Variants in KATNIP observed in about 807,000 individuals in gnomAD.
The protein encoded by KATNIP is katanin interacting protein.
KATNIP carries 126 observed loss-of-function variants against 174.0 expected under a neutral mutation model. The observed-to-expected ratio is 0.72, with a 90% CI of 0.63 to 0.84. The LOEUF (loss-of-function observed/expected upper bound fraction) is 0.84, where lower values mean the gene tolerates loss of function less well. Ranked by LOEUF, KATNIP falls within the 40% of genes least tolerant of loss-of-function variation. KATNIP has a pLI of 0.00. For missense variants in KATNIP, 1,958 were observed against 2,109.7 expected (o/e 0.93, Z 1.41); for synonymous variants, 810 against 835.7 (o/e 0.97, Z 0.53).
At chr16:27,573,150 A>G (rs979673542) in intron 1 of KATNIP, among the ~76,000 whole-genome samples, 5 of 152,226 alleles carry the variant, frequency 3.3e-5, no homozygotes, top group African/African-American at 1.2e-4. Flanking sequence ...ATTTTCACAA[A>G]TAGCCACTGG....
At chr16:27,685,911 T>G (rs1342337755) in intron 8 of KATNIP, among the ~76,000 whole-genome samples, 1 of 152,064 alleles carries the variant, frequency 6.6e-6, no homozygotes, top group African/African-American at 2.4e-5. Context: ...TCCCTCAAAT[T>G]GATGATTAAG....
Position 27,568,387 on chromosome 16 carries a change from A to G in KATNIP, c.8-5514A>G, listed in dbSNP as rs561932751. Among the ~76,000 whole-genome samples the G allele has an allele frequency of 2.1e-4, 32 of 152,324 alleles. No individual in the cohort carries two copies. In the Middle Eastern group the frequency reaches 0.01, roughly 49 times the overall value. On this transcript the variant is annotated intron_variant, in intron 1 of 27. Transcript: ENST00000261588. The stretch of plus-strand genomic sequence containing the variant: ...TTCACGGCTGATTCCTAGTAGTGAT[A>G]TTGCTAGCTCAAAGGAAAAATGCAT...
At chr16:27,587,662 A>G (rs2090950952) in intron 2 of KATNIP, among the ~76,000 whole-genome samples, 1 of 152,180 alleles carries the variant, frequency 6.6e-6, no homozygotes, top group South Asian at 2.1e-4. Flanking sequence ...ACAGTTGGGC[A>G]AAATCATCTA....
intron 5 of KATNIP, among the ~76,000 whole-genome samples, chr16:27,648,068 G>A (rs2077010035): frequency 6.6e-6 from 1 of 152,120 alleles, no homozygotes; most frequent in South Asian, 2.1e-4. Flanking sequence ...GACGAGGTGG[G>A]TGAATCACTT....
At chr16:27,616,887 TAAAAAAAAAAAAAAAAA>T (rs556687403) in intron 2 of KATNIP, among the ~76,000 whole-genome samples, 13 of 31,384 alleles carry the variant, frequency 4.1e-4, no homozygotes, top group Admixed American at 7.0e-4. Context: ...CCATCTCTAC[TAAAAAAAAAAAAAAAAA>T]AAAAAAAAAA....
intron 3 of KATNIP, among the ~76,000 whole-genome samples, chr16:27,622,902 C>G (rs1243804676): frequency 3.3e-5 from 5 of 152,162 alleles, no homozygotes; most frequent in African/African-American, 1.2e-4. Flanking sequence ...GGAACTTGCT[C>G]AAGGTCATGC....
intron 8 of KATNIP, chr16:27,687,405 A>T (rs1048161294): frequency 6.6e-6 from 1 of 152,164 alleles, no homozygotes; most frequent in Non-Finnish European, 1.5e-5. Context: ...CTATTCCAGA[A>T]GTGTAACCTT....
intron 8 of KATNIP, among the ~76,000 whole-genome samples, chr16:27,695,504 T>A (rs2078882392): frequency 6.6e-6 from 1 of 152,220 alleles, no homozygotes; most frequent in Non-Finnish European, 1.5e-5. Context: ...GCCCCTGATA[T>A]CCACACTCCA....
At chr16:27,756,333 A>G (rs2081726612) in intron 18 of KATNIP, among the ~76,000 whole-genome samples, 1 of 152,258 alleles carries the variant, frequency 6.6e-6, no homozygotes, top group South Asian at 2.1e-4. Flanking sequence ...AACATTAGGC[A>G]AGAGCCTGGG....
chr16:27,775,002 G>A lies in KATNIP; in HGVS notation c.4367G>A (p.Arg1456His), dbSNP rs1472103053. 1.1e-5 allele frequency: 17 copies of A among 1,613,486 alleles called. No homozygotes were observed. Among genetic ancestry groups the A allele is most frequent in the Non-Finnish European group, 1.4e-5 (16 of 1,179,824 alleles). The change falls in exon 24 of 28, where the codon CGC becomes CAC. Residue 1456 changes from arginine (R) to histidine (H), a missense_variant. By Grantham distance (29) the Arg-to-His change is conservative. This residue lies in a region of KATNIP where 383 missense variants were observed against 456.0 expected (regional missense o/e 0.84). Transcript: ENST00000261588. ...CTGGAGGGTGTGGGCGGGGACGTCCGCACCCCAGACAAGCTCATCGACCAA... is the reference window on the plus strand; with the variant it reads ...CTGGAGGGTGTGGGCGGGGACGTCCACACCCCAGACAAGCTCATCGACCAA... Reference protein sequence around the residue: ...NSLEGVGGDVRTPDKLIDQVN... With the variant: ...NSLEGVGGDVHTPDKLIDQVN...
chr16:27,748,062 G>A (rs532676424), intron 15 of KATNIP, among the ~76,000 whole-genome samples: 7 of 152,262 alleles, frequency 4.6e-5, no homozygotes, highest in East Asian at 3.9e-4. Context: ...GTCAGCAGCC[G>A]CTGTTTTTGC....
At position 27,760,318 on chromosome 16, in the gene KATNIP, T is replaced by C. The variant is rs188170621; in HGVS notation, c.3632-1095T>C. On this transcript the variant is annotated intron_variant, in intron 18 of 27. Transcript: ENST00000261588. ...AAGGGTTTATTGTGTTTGGTCTTGCTCTAATGAGACACCGTTAAGGAAAGA... is the reference window on the plus strand; with the variant it reads ...AAGGGTTTATTGTGTTTGGTCTTGCCCTAATGAGACACCGTTAAGGAAAGA... Among the ~76,000 whole-genome samples the C allele has an allele frequency of 2.0e-5, 3 of 152,284 alleles. No homozygotes were observed. The East Asian group carries it at 5.8e-4, about 29-fold the overall frequency.
intron 20 of KATNIP, among the ~76,000 whole-genome samples, chr16:27,769,403 C>G (rs1008412762): frequency 2.6e-5 from 4 of 152,226 alleles, no homozygotes; most frequent in African/African-American, 9.6e-5. Context: ...ACGAAGTATA[C>G]AGTTTGTGCC....
chr16:27,693,961 G>A (rs1439613425), intron 8 of KATNIP, among the ~76,000 whole-genome samples: 1 of 152,208 alleles, frequency 6.6e-6, no homozygotes, highest in Admixed American at 6.5e-5. Context: ...CATAAGGCAA[G>A]GATTGTCTGG....
At chr16:27,577,143 T>C (rs2090528923) in intron 2 of KATNIP, among the ~76,000 whole-genome samples, 1 of 152,334 alleles carries the variant, frequency 6.6e-6, no homozygotes, top group East Asian at 1.9e-4. Context: ...GTGTCCACAT[T>C]TAAAAGTTGT....
chr16:27,708,653 A>G, intron 12 of KATNIP, 52 bp from the exon 13 acceptor site: 1 of 1,487,926 alleles, frequency 6.7e-7, no homozygotes, highest in Non-Finnish European at 9.2e-7. Flanking sequence ...GCAGAGCCGA[A>G]TTCAAGCCTG....
intron 2 of KATNIP, among the ~76,000 whole-genome samples, chr16:27,598,166 G>C (rs539305904): frequency 2.0e-5 from 3 of 152,138 alleles, no homozygotes; most frequent in African/African-American, 7.2e-5. Context: ...ACTTGAGCTT[G>C]GGAGGTGGAG....
chr16:27,693,761 C>T (rs548920318), intron 8 of KATNIP, among the ~76,000 whole-genome samples: 1 of 152,364 alleles, frequency 6.6e-6, no homozygotes, highest in East Asian at 1.9e-4. Flanking sequence ...CTTGACCCTT[C>T]TCAGGGAGCA....
At chr16:27,724,361 T>C (rs1473930590) in intron 14 of KATNIP, among the ~76,000 whole-genome samples, 1 of 152,222 alleles carries the variant, frequency 6.6e-6, no homozygotes, top group South Asian at 2.1e-4. Flanking sequence ...ATTGAATATA[T>C]ATCTCAGGGC....
Sources: gnomAD v4.1 joint callset for allele counts (sites outside exome capture counted in the v4.1 genomes callset) on GRCh38, gnomAD v4.1.1 for gene constraint, gnomAD v4.1.1 regional missense constraint, MANE v1.5 for transcripts, NCBI Gene and HGNC (gene_info 2026-07-23, HGNC 2026-07-21) for gene names.